ZEB1: variants seen among roughly 807,000 people sequenced by gnomAD.
ZEB1 encodes zinc finger E-box binding homeobox 1.
A neutral mutation model predicts 84.9 loss-of-function variants in ZEB1; 21 were observed. The observed-to-expected ratio is 0.25, with a 90% CI of 0.18 to 0.36. ZEB1 has a LOEUF of 0.36. Ranked by LOEUF, ZEB1 falls within the 10% of genes least tolerant of loss-of-function variation. ZEB1 has a pLI of 1.00. For missense variants in ZEB1, 1,104 were observed against 1,330.2 expected (o/e 0.83, Z 2.65); for synonymous variants, 420 against 471.1 (o/e 0.89, Z 1.41).
At chr10:31,459,196 G>A (rs559848667) in intron 1 of ZEB1, among the ~76,000 whole-genome samples, 1 of 152,210 alleles carries the variant, frequency 6.6e-6, no homozygotes, top group East Asian at 1.9e-4. Context: ...GCCATAATTA[G>A]TCAGGGACTG....
At chr10:31,502,954 CAG>C (rs1263787196) in intron 4 of ZEB1, among the ~76,000 whole-genome samples, 2 of 152,018 alleles carry the variant, frequency 1.3e-5, no homozygotes, top group African/African-American at 4.8e-5. Context: ...AGTCAGCGTA[CAG>C]AGTGTGGAAA....
chr10:31,492,621 G>A (rs1304073223), intron 2 of ZEB1, among the ~76,000 whole-genome samples: 1 of 151,904 alleles, frequency 6.6e-6, no homozygotes, highest in East Asian at 1.9e-4. Context: ...GGCATTTACT[G>A]TGCCTTCTTA....
chr10:31,424,919 C>G (rs1287005487), intron 1 of ZEB1, among the ~76,000 whole-genome samples: 1 of 151,932 alleles, frequency 6.6e-6, no homozygotes, highest in African/African-American at 2.4e-5. Context: ...ACAAAACAGT[C>G]AGTATAGACA....
intron 8 of ZEB1, among the ~76,000 whole-genome samples, chr10:31,524,878 AAG>A (rs1455239983): frequency 6.6e-6 from 1 of 152,172 alleles, no homozygotes; most frequent in Non-Finnish European, 1.5e-5. Context: ...AGTTCTGCCT[AAG>A]AGGTTGGACT....
chr10:31,447,759 G>C (rs1194304430), intron 1 of ZEB1, among the ~76,000 whole-genome samples: 3 of 152,178 alleles, frequency 2.0e-5, no homozygotes, highest in Admixed American at 6.5e-5. Flanking sequence ...CTTCTGGCTT[G>C]TAGGGTTTCT....
At chr10:31,431,013 A>C (rs2057645245) in intron 1 of ZEB1, among the ~76,000 whole-genome samples, 1 of 152,022 alleles carries the variant, frequency 6.6e-6, no homozygotes, top group Non-Finnish European at 1.5e-5. Flanking sequence ...AATCAGTACA[A>C]AGAGTGTATT....
At chr10:31,498,106 A>G (rs1467199074) in intron 3 of ZEB1, among the ~76,000 whole-genome samples, 2 of 152,104 alleles carry the variant, frequency 1.3e-5, no homozygotes, top group African/African-American at 4.8e-5. Flanking sequence ...TATGCTGTGT[A>G]TATTTGCTCA....
chr10:31,326,186 G>A (rs182927428), intron 1 of ZEB1, among the ~76,000 whole-genome samples: 25 of 152,178 alleles, frequency 1.6e-4, no homozygotes, highest in African/African-American at 6.0e-4. Flanking sequence ...GGTAATGCCA[G>A]GCAGATACAG....
chr10:31,343,145 T>A (rs2039697278), intron 1 of ZEB1, among the ~76,000 whole-genome samples: 1 of 152,168 alleles, frequency 6.6e-6, no homozygotes, highest in Admixed American at 6.5e-5. Flanking sequence ...TTTTTCTTTT[T>A]GAATGGTTTT....
At chr10:31,327,178 T>C (rs567737006) in intron 1 of ZEB1, among the ~76,000 whole-genome samples, 3 of 145,656 alleles carry the variant, frequency 2.1e-5, no homozygotes, top group African/African-American at 5.1e-5. Context: ...AGGCGCGATA[T>C]CAGCTCACTG....
At chr10:31,346,813 T>G (rs2040399385) in intron 1 of ZEB1, among the ~76,000 whole-genome samples, 1 of 152,158 alleles carries the variant, frequency 6.6e-6, no homozygotes, top group African/African-American at 2.4e-5. Context: ...AGTATAACCA[T>G]GCATGCTCAA....
chr10:31,376,298 TATTA>T (rs1465737346), intron 1 of ZEB1, among the ~76,000 whole-genome samples: 3 of 151,774 alleles, frequency 2.0e-5, no homozygotes, highest in Non-Finnish European at 4.4e-5. Context: ...ATCTGTAGTA[TATTA>T]ATTTTAATCC....
chr10:31,451,267 C>A (rs2060533014), intron 1 of ZEB1, among the ~76,000 whole-genome samples: 1 of 152,088 alleles, frequency 6.6e-6, no homozygotes, highest in Non-Finnish European at 1.5e-5. Context: ...TCCTAAATTT[C>A]TTTATAGTTG....
chr10:31,408,929 A>C (rs1236414703), intron 1 of ZEB1, among the ~76,000 whole-genome samples: 4 of 150,418 alleles, frequency 2.7e-5, no homozygotes, highest in Non-Finnish European at 4.5e-5. Context: ...TCTGCACAGC[A>C]AAAGAAACTA....
chr10:31,392,380 T>C (rs2049904523), intron 1 of ZEB1, among the ~76,000 whole-genome samples: 1 of 152,158 alleles, frequency 6.6e-6, no homozygotes, highest in African/African-American at 2.4e-5. Context: ...TTAATAAACA[T>C]TACACTGGGC....
intron 6 of ZEB1, among the ~76,000 whole-genome samples, chr10:31,518,388 G>A (rs891756776): frequency 6.6e-6 from 1 of 152,090 alleles, no homozygotes; most frequent in Non-Finnish European, 1.5e-5. Flanking sequence ...TGATCCATTT[G>A]AAGGTTTGAC....
intron 2 of ZEB1, among the ~76,000 whole-genome samples, chr10:31,492,347 C>A (rs925635076): frequency 1.1e-4 from 16 of 151,856 alleles, no homozygotes; most frequent in African/African-American, 3.6e-4. Context: ...ATAAAATGGG[C>A]TTCATGTTAG....
intron 3 of ZEB1, among the ~76,000 whole-genome samples, chr10:31,500,998 T>G (rs563683568): frequency 1.7e-4 from 26 of 152,352 alleles, no homozygotes; most frequent in Admixed American, 1.3e-3. Flanking sequence ...TGTCATTGGT[T>G]CTCAGGTTTT....
At chr10:31,439,617 A>G (rs1163872236) in intron 1 of ZEB1, among the ~76,000 whole-genome samples, 1 of 151,938 alleles carries the variant, frequency 6.6e-6, no homozygotes, top group Non-Finnish European at 1.5e-5. Flanking sequence ...ATAAGATATT[A>G]TAGTGACAAG....
Sources: gnomAD v4.1 joint callset for allele counts (sites outside exome capture counted in the v4.1 genomes callset) on GRCh38, gnomAD v4.1.1 for gene constraint, MANE v1.5 for transcripts, NCBI Gene and HGNC (gene_info 2026-07-23, HGNC 2026-07-21) for gene names.